The following TRIM9 variants were observed in gnomAD, a reference collection of about 807,000 sequenced individuals.
TRIM9 encodes tripartite motif containing 9, also known as E3 ubiquitin-protein ligase TRIM9.
A neutral mutation model predicts 78.3 loss-of-function variants in TRIM9; 26 were observed. The ratio of observed to expected loss-of-function variants is 0.33; its 90% CI spans 0.24 to 0.46. The LOEUF is 0.46. Ranked by LOEUF, TRIM9 falls within the 20% of genes least tolerant of loss-of-function variation. TRIM9 has a pLI of 1.00. For missense variants in TRIM9, 787 were observed against 1,036.4 expected, an observed-to-expected ratio of 0.76 and a Z score of 3.30; for synonymous variants, 398 against 416.5, an observed-to-expected ratio of 0.96 and a Z score of 0.54.
intron 1 of TRIM9, among the ~76,000 whole-genome samples, chr14:51,075,482 A>G (rs2140266616): frequency 6.6e-6 from 1 of 152,336 alleles, no homozygotes; most frequent in Admixed American, 6.5e-5. Flanking sequence ...TGTCTTTATT[A>G]AAAATATCTC....
At chr14:51,016,321 G>T (rs1001356197) in intron 3 of TRIM9, among the ~76,000 whole-genome samples, 1 of 152,082 alleles carries the variant, frequency 6.6e-6, no homozygotes, top group African/African-American at 2.4e-5. Context: ...CCTCCTTTCA[G>T]ATCAGCAGCG....
In TRIM9 at chr14:50,977,084, G is replaced by A. The variant is rs548318366; in HGVS notation, c.*207C>T. On this transcript the variant is annotated 3_prime_UTR_variant, in exon 13 of 13. Coordinates refer to ENST00000684578, the MANE Select transcript of TRIM9 (RefSeq NM_001387360.1). ...TTTGTTGGTTAGAATTGTTGGACAT[G>A]GAAGCGGAAGCAGGCATGACAGCGG... is the stretch of plus-strand genomic sequence containing the variant. The A allele has an allele frequency of 3.2e-5, 12 of 378,050 alleles. No individual in the cohort carries two copies. The highest frequency in any genetic ancestry group is 2.5e-4 in the African/African-American group (12 of 48,318). The allele number at this position is 378,050 out of a possible 1,614,324, so 23.4% of individuals were successfully genotyped here. A position where few individuals can be genotyped will look rare whatever the true frequency, so the allele number is the denominator to read the frequency against.
intron 1 of TRIM9, among the ~76,000 whole-genome samples, chr14:51,047,547 T>C (rs1337346639): frequency 6.6e-6 from 1 of 152,214 alleles, no homozygotes; most frequent in Non-Finnish European, 1.5e-5. Flanking sequence ...CAGCAAGTTA[T>C]TTGACTTACC....
chr14:51,066,194 T>C (rs2061725780), intron 1 of TRIM9, among the ~76,000 whole-genome samples: 1 of 152,138 alleles, frequency 6.6e-6, no homozygotes, highest in South Asian at 2.1e-4. Flanking sequence ...TCTGTGTTCT[T>C]GATGGCAAAA....
intron 1 of TRIM9, among the ~76,000 whole-genome samples, chr14:51,060,568 A>T (rs540401122): frequency 6.6e-6 from 1 of 152,042 alleles, no homozygotes; most frequent in South Asian, 2.1e-4. Flanking sequence ...CAGGGTTCAC[A>T]CCATTCTCCT....
intron 2 of TRIM9, 66 bp from the exon 3 acceptor site, chr14:51,023,023 A>G: frequency 6.2e-7 from 1 of 1,603,048 alleles, no homozygotes; most frequent in South Asian, 1.1e-5. Flanking sequence ...GAGAAAACAG[A>G]GCTCCCCCAT....
At chr14:51,047,412 A>C (rs938890504) in intron 1 of TRIM9, among the ~76,000 whole-genome samples, 1 of 152,122 alleles carries the variant, frequency 6.6e-6, no homozygotes, top group South Asian at 2.1e-4. Flanking sequence ...AGGTGTGTGG[A>C]CCCATAGGTG....
rs947954368 is a variant in TRIM9, at chr14:50,983,370, G to A, written c.1834+10C>T. On this transcript the variant is annotated intron_variant, in intron 9 of 12. Transcript: ENST00000684578. Reference sequence around the variant, plus strand: ...CGTAAGTAAAAGATAATTACAATAGGTATACTTGCCTAATTGAGAGTAAGG... The same window carrying A: ...CGTAAGTAAAAGATAATTACAATAGATATACTTGCCTAATTGAGAGTAAGG... 5.9e-6 allele frequency: 9 copies of A among 1,534,568 alleles called. No individual in the cohort carries two copies. The highest frequency in any genetic ancestry group is 4.0e-5 in the Admixed American group (2 of 49,948).
Position 50,981,962 on chromosome 14 carries a change from T to A in TRIM9, c.2000A>T (p.Glu667Val). The A allele has an allele frequency of 6.2e-7, 1 of 1,614,110 alleles. No homozygotes were observed. The highest frequency in any genetic ancestry group is 8.5e-7 in the Non-Finnish European group (1 of 1,180,032). ...GTTGTCATAGCGATCTACCGTGAGC[T>A]CCCAGTAGTGGATGCCCTTGGAGAA... ...TGFSKGIHYWELTVDRYDNHP... is the reference protein window; with the variant it reads ...TGFSKGIHYWVLTVDRYDNHP... The change falls in exon 11 of 13, where the codon GAG becomes GTG. Residue 667 changes from glutamate (E) to valine (V), a missense_variant. Transcript: ENST00000684578.
In TRIM9 at chr14:51,009,253, C is replaced by T. The variant is rs1287797546; in HGVS notation, c.1153-20G>A. 6.2e-7 allele frequency: 1 copy of T among 1,613,368 alleles called. No individual in the cohort carries two copies. Among genetic ancestry groups the T allele is most frequent in the East Asian group, 2.2e-5 (1 of 44,876 alleles). ...AGAAATCTAATCAGATAAAGAGGAC[C>T]ACAGCCTAAGAAATACACCACCACA... is the stretch of plus-strand genomic sequence containing the variant. On this transcript the variant is annotated intron_variant, in intron 4 of 12. Transcript: ENST00000684578.
At chr14:51,031,806 T>C (rs1374519752) in intron 1 of TRIM9, among the ~76,000 whole-genome samples, 1 of 152,200 alleles carries the variant, frequency 6.6e-6, no homozygotes, top group Non-Finnish European at 1.5e-5. Context: ...AGCTGACCCT[T>C]CAGCAGGCCA....
At position 51,094,758 on chromosome 14, in the gene TRIM9, T is replaced by A; in HGVS notation, c.182A>T (p.Asp61Val). Residue 61 changes from aspartate to valine, a missense_variant, in exon 1 of 13, where the codon GAC becomes GTC. Around this residue, in one of 3 missense-constraint regions of TRIM9, gnomAD observed 352 missense variants for 472.3 expected, o/e 0.75. Coordinates refer to ENST00000684578, the MANE Select transcript of TRIM9 (RefSeq NM_001387360.1). ...GCTCATCTTGTCCAGGTCCAGATAGTCATAGTCGGAGACCCCGGAGCCCGC... is the reference window on the plus strand; with the variant it reads ...GCTCATCTTGTCCAGGTCCAGATAGACATAGTCGGAGACCCCGGAGCCCGC... The part of the protein sequence containing the change: ...RAAGSGVSDY[D>V]YLDLDKMSLY... 6.5e-7 allele frequency: 1 copy of A among 1,530,434 alleles called. No homozygotes were observed. The highest frequency in any genetic ancestry group is 1.3e-5 in the South Asian group (1 of 77,716). The allele number at this position is 1,530,434 out of a possible 1,614,324, so 94.8% of individuals were successfully genotyped here.
intron 10 of TRIM9, among the ~76,000 whole-genome samples, chr14:50,982,478 G>A (rs570335935): frequency 2.0e-4 from 31 of 152,282 alleles, no homozygotes; most frequent in African/African-American, 7.2e-4. Flanking sequence ...CCCCTGAGGC[G>A]GGGAGGCTAG....
intron 1 of TRIM9, among the ~76,000 whole-genome samples, chr14:51,074,877 G>T (rs1023195677): frequency 6.6e-6 from 1 of 152,224 alleles, no homozygotes; most frequent in African/African-American, 2.4e-5. Context: ...TGAGGGGAAT[G>T]AAAGATGCCG....
chr14:51,042,771 T>A (rs147239004), intron 1 of TRIM9, among the ~76,000 whole-genome samples: 1 of 152,182 alleles, frequency 6.6e-6, no homozygotes, highest in Admixed American at 6.5e-5. Context: ...CCCTTCTTCA[T>A]GAGCTTTGCC....
At chr14:51,017,200 C>G (rs1317181519) in intron 3 of TRIM9, among the ~76,000 whole-genome samples, 1 of 152,198 alleles carries the variant, frequency 6.6e-6, no homozygotes, top group African/African-American at 2.4e-5. Context: ...TGCCACCACT[C>G]TCCCTCATAG....
At chr14:50,978,892 T>C (rs2051416011) in intron 12 of TRIM9, 7 of 993,254 alleles carry the variant, frequency 7.0e-6, no homozygotes, top group African/African-American at 1.7e-5. Flanking sequence ...AAATAATAAT[T>C]GACTAAGTTG....
chr14:51,094,047 G>A lies in TRIM9; in HGVS notation c.822+71C>T. The A allele has an allele frequency of 3.4e-6, 5 of 1,484,162 alleles. No homozygotes were observed. In the South Asian group the frequency reaches 3.7e-5, roughly 11 times the overall value. The allele number at this position is 1,484,162 out of a possible 1,614,324, so 91.9% of individuals were successfully genotyped here. On this transcript the variant is annotated intron_variant, in intron 1 of 12. Coordinates refer to ENST00000684578, the MANE Select transcript of TRIM9 (RefSeq NM_001387360.1). Reference sequence around the variant, plus strand: ...CTGGGATGCGCTGTGCGCAAGAGACGGGGACCGTCTGCTGCAAAACCGGAT... The same window carrying A: ...CTGGGATGCGCTGTGCGCAAGAGACAGGGACCGTCTGCTGCAAAACCGGAT...
At chr14:51,043,880 CA>C (rs2059751628) in intron 1 of TRIM9, among the ~76,000 whole-genome samples, 1 of 151,948 alleles carries the variant, frequency 6.6e-6, no homozygotes, top group Non-Finnish European at 1.5e-5. Flanking sequence ...CTCAAGAGGC[CA>C]AATACATGTG....
Sources: allele counts gnomAD v4.1 joint callset (sites outside exome capture counted in the v4.1 genomes callset), GRCh38; gene constraint gnomAD v4.1.1; regional missense constraint gnomAD v4.1.1; transcripts MANE v1.5; gene names NCBI Gene and HGNC (gene_info 2026-07-23, HGNC 2026-07-21).